The following GRIK1 variants were observed in gnomAD, a reference collection of about 807,000 sequenced individuals.
GRIK1 encodes the protein glutamate ionotropic receptor kainate type subunit 1, also known as glutamate receptor ionotropic, kainate 1.
Under a neutral mutation model 105.7 loss-of-function variants are expected in GRIK1, and 69 were observed. The ratio of observed to expected loss-of-function variants is 0.65; its 90% CI spans 0.54 to 0.80. The LOEUF (loss-of-function observed/expected upper bound fraction) is 0.80, where lower values mean the gene tolerates loss of function less well. Among genes scored for constraint, GRIK1 ranks in the 30% least tolerant of loss-of-function variants. The pLI, the probability that GRIK1 is intolerant of heterozygous loss-of-function variation, is 0.00. For missense variants in GRIK1, 1,109 were observed against 1,167.3 expected, an observed-to-expected ratio of 0.95 and a Z score of 0.73; for synonymous variants, 438 against 431.3, an observed-to-expected ratio of 1.02 and a Z score of -0.19.
At chr21:29,927,233 A>T (rs2071400761) in intron 1 of GRIK1, among the ~76,000 whole-genome samples, 1 of 151,976 alleles carries the variant, frequency 6.6e-6, no homozygotes, top group African/African-American at 2.4e-5. Flanking sequence ...TTGGAATCTT[A>T]TTATATAAAT....
intron 3 of GRIK1, among the ~76,000 whole-genome samples, chr21:29,676,624 C>A (rs536730923): frequency 2.6e-5 from 4 of 152,228 alleles, no homozygotes; most frequent in Non-Finnish European, 5.9e-5. Flanking sequence ...CCTGCCAGAA[C>A]CCCAGTTGCA....
chr21:29,646,321 G>C (rs981751648), intron 6 of GRIK1, among the ~76,000 whole-genome samples: 1 of 152,164 alleles, frequency 6.6e-6, no homozygotes, highest in African/African-American at 2.4e-5. Context: ...CTTTCTAGTT[G>C]TCATAGATCA....
Position 29,576,997 on chromosome 21 carries a change from C to T in GRIK1, c.2097G>A (p.Ala699=), listed in dbSNP as rs568601127. 76 of 1,611,930 alleles carry T rather than the reference C, an allele frequency of 4.7e-5. No individual in the cohort carries two copies. The highest frequency in any genetic ancestry group is 1.4e-4 in the South Asian group (13 of 91,032). ...AGGTCATTGTTGATCCATCTCTAAC[C>T]GCCCCATATTCTATCTTGGTTTGCT... is the stretch of plus-strand genomic sequence containing the variant. ...LAKQTKIEYG[A]VRDGSTMTFF... Residue 699 remains alanine, a synonymous_variant, in exon 14 of 18, where the codon GCG becomes GCA. Coordinates refer to ENST00000327783, the MANE Select transcript of GRIK1 (RefSeq NM_001330994.2).
chr21:29,866,654 T>G (rs1042339629), intron 1 of GRIK1, among the ~76,000 whole-genome samples: 59 of 152,206 alleles, frequency 3.9e-4, no homozygotes, highest in Non-Finnish European at 1.8e-4. Context: ...ATGACACTTC[T>G]GATGAACTGA....
At chr21:29,814,338 T>C (rs1381527859) in intron 1 of GRIK1, among the ~76,000 whole-genome samples, 1 of 152,004 alleles carries the variant, frequency 6.6e-6, no homozygotes, top group African/African-American at 2.4e-5. Flanking sequence ...CATTCCACAT[T>C]TCTTCCTGTT....
intron 12 of GRIK1, among the ~76,000 whole-genome samples, 155 bp from the exon 13 acceptor site, chr21:29,581,698 T>TGGTG (rs1224182312): frequency 2.0e-5 from 3 of 152,154 alleles, no homozygotes; most frequent in Non-Finnish European, 2.9e-5. Context: ...CTTACAGCTT[T>TGGTG]GGTGGGCAAA....
intron 1 of GRIK1, among the ~76,000 whole-genome samples, chr21:29,701,825 T>A (rs1362340160): frequency 1.3e-5 from 2 of 152,136 alleles, no homozygotes; most frequent in Non-Finnish European, 2.9e-5. Context: ...CAAAAAGTGG[T>A]TGAATTCTAG....
At chr21:29,824,240 T>C (rs118042628) in intron 1 of GRIK1, among the ~76,000 whole-genome samples, 6,213 of 152,174 alleles carry the variant, frequency 0.041, 192 homozygotes, top group Non-Finnish European at 0.063. Flanking sequence ...TTTATTTATA[T>C]ACTTTTATTC....
intron 1 of GRIK1, among the ~76,000 whole-genome samples, chr21:29,713,332 T>G (rs779482410): frequency 6.6e-6 from 1 of 152,184 alleles, no homozygotes; most frequent in Non-Finnish European, 1.5e-5. Context: ...CTAATTTGAT[T>G]TGGATTTTTG....
At chr21:29,631,269 A>G (rs1161054758) in intron 7 of GRIK1, among the ~76,000 whole-genome samples, 1 of 152,164 alleles carries the variant, frequency 6.6e-6, no homozygotes, top group African/African-American at 2.4e-5. Context: ...TGAAGCCATA[A>G]CCCCCAATGT....
chr21:29,880,349 C>T (rs954679826), intron 1 of GRIK1, among the ~76,000 whole-genome samples: 1 of 152,066 alleles, frequency 6.6e-6, no homozygotes, highest in Non-Finnish European at 1.5e-5. Flanking sequence ...GAAATGTTGC[C>T]AACTTCAGAT....
chr21:29,797,471 G>T (rs1433210475), intron 1 of GRIK1, among the ~76,000 whole-genome samples: 6 of 152,168 alleles, frequency 3.9e-5, no homozygotes, highest in Admixed American at 3.9e-4. Flanking sequence ...GAGATGTAGA[G>T]ACATTGAAGC....
intron 4 of GRIK1, among the ~76,000 whole-genome samples, chr21:29,656,174 A>T (rs1050582776): frequency 4.6e-5 from 7 of 151,604 alleles, no homozygotes; most frequent in African/African-American, 1.7e-4. Flanking sequence ...CATCCTGGTT[A>T]ACACGGTGAA....
At chr21:29,918,352 A>C (rs2071072431) in intron 1 of GRIK1, among the ~76,000 whole-genome samples, 1 of 152,130 alleles carries the variant, frequency 6.6e-6, no homozygotes, top group African/African-American at 2.4e-5. Context: ...TCTTTTCAAA[A>C]GCCCAGCGAA....
chr21:29,620,782 G>T (rs7276694), intron 7 of GRIK1, among the ~76,000 whole-genome samples: 23,526 of 121,444 alleles, frequency 0.19, 2,305 homozygotes, highest in African/African-American at 0.35. Context: ...TATATATATA[G>T]ATATATATAT....
intron 7 of GRIK1, among the ~76,000 whole-genome samples, chr21:29,620,802 T>TATATATATATAG (rs1276169939): frequency 1.1e-4 from 14 of 127,422 alleles, no homozygotes; most frequent in African/African-American, 4.3e-4. Context: ...TCTATATATA[T>TATATATATATAG]ATAGATATAT....
At chr21:29,710,403 T>G (rs2064015171) in intron 1 of GRIK1, among the ~76,000 whole-genome samples, 1 of 138,622 alleles carries the variant, frequency 7.2e-6, no homozygotes, top group Non-Finnish European at 1.5e-5. Flanking sequence ...AAAGGATAGT[T>G]TTCTATCCTG....
intron 3 of GRIK1, among the ~76,000 whole-genome samples, chr21:29,689,385 T>A (rs1327992051): frequency 1.3e-5 from 2 of 152,204 alleles, no homozygotes; most frequent in African/African-American, 4.8e-5. Flanking sequence ...TCATATTCCA[T>A]GGTCATTTTC....
chr21:29,879,402 C>T (rs1000555467), intron 1 of GRIK1, among the ~76,000 whole-genome samples: 1 of 151,916 alleles, frequency 6.6e-6, no homozygotes, highest in Non-Finnish European at 1.5e-5. Flanking sequence ...GAAAGGCATC[C>T]AGAAGGGACT....
Sources: allele counts gnomAD v4.1 joint callset (sites outside exome capture counted in the v4.1 genomes callset), GRCh38; gene constraint gnomAD v4.1.1; transcripts MANE v1.5; gene names NCBI Gene and HGNC (gene_info 2026-07-23, HGNC 2026-07-21).